Variants in SPG11 observed in about 807,000 individuals in gnomAD.
The protein encoded by SPG11 is spatacsin.
In SPG11, 222 loss-of-function variants were observed where a neutral mutation model predicts 274.0. The observed-to-expected ratio is 0.81, with a 90% CI of 0.73 to 0.91. The LOEUF (loss-of-function observed/expected upper bound fraction) is 0.91. SPG11 is among the 40% of genes least tolerant of loss of function. The pLI is 0.00. For synonymous variants in SPG11, 1,144 were observed against 1,039.7 expected, an observed-to-expected ratio of 1.10 and a Z score of -1.93; for missense variants, 3,114 against 2,872.7, an observed-to-expected ratio of 1.08 and a Z score of -1.92.
At chr15:44,638,435 T>C (rs2084342112) in intron 7 of SPG11, among the ~76,000 whole-genome samples, 1 of 151,028 alleles carries the variant, frequency 6.6e-6, no homozygotes, top group Non-Finnish European at 1.5e-5. Context: ...CACTCCAGCC[T>C]GGGCGACAGA....
chr15:44,621,682 C>T lies in SPG11; in HGVS notation c.2620+77G>A, dbSNP rs888525031. ...CGAAAGGAATTCTAAAATTGAGACA[C>T]ATCAAAATATTCAAATATCAATACC... On this transcript the variant is annotated intron_variant, in intron 14 of 39. Transcript: ENST00000261866. The T allele has an allele frequency of 3.7e-6, 5 of 1,360,994 alleles. No homozygotes were observed. In the East Asian group the frequency reaches 9.2e-5, roughly 25 times the overall value. 84.3% of individuals were successfully genotyped at this position (1,360,994 alleles called of 1,614,324 possible).
rs777780299 is a variant in SPG11 at position 44,663,479 on chromosome 15, G to A, written c.169C>T (p.Leu57=). The change falls in exon 1 of 40, where the codon CTG becomes TTG. Residue 57 remains leucine (L), a synonymous_variant. Transcript: ENST00000261866. ...LRTQPEALGS[L]TAAGSLQVLS... ...ACTTGGAGGCTGCCCGCAGCCGTCAGGCTCCCCAGAGCCTCCGGCTGTGTG... is the reference window on the plus strand; with the variant it reads ...ACTTGGAGGCTGCCCGCAGCCGTCAAGCTCCCCAGAGCCTCCGGCTGTGTG... 1 of 1,593,852 alleles carries A rather than the reference G, an allele frequency of 6.3e-7. No individual in the cohort carries two copies. Among genetic ancestry groups the A allele is most frequent in the Non-Finnish European group, 8.5e-7 (1 of 1,170,958 alleles).
intron 15 of SPG11, among the ~76,000 whole-genome samples, chr15:44,618,502 G>A (rs1203908943): frequency 1.7e-5 from 2 of 116,266 alleles, no homozygotes; most frequent in Non-Finnish European, 3.4e-5. Flanking sequence ...GGGCGACAGA[G>A]TGAGACTCCA....
chr15:44,621,903 G>A lies in SPG11; in HGVS notation c.2476C>T (p.His826Tyr). 2 of 1,612,712 alleles carry A rather than the reference G, an allele frequency of 1.2e-6. No homozygotes were observed. The highest frequency in any genetic ancestry group is 1.7e-6 in the Non-Finnish European group (2 of 1,179,644). The change falls in exon 14 of 40, where the codon CAC (histidine) becomes TAC (tyrosine). Residue 826 changes from histidine to tyrosine, a missense_variant. Transcript: ENST00000261866. ...YWIKEQDFFKHKSVLDSFLKY... is the reference protein window; with the variant it reads ...YWIKEQDFFKYKSVLDSFLKY... ...AGGAATGAGTCCAAAACAGACTTGTGCTTGAAAAAATCTTGTTCCTTTATC... is the reference window on the plus strand; with the variant it reads ...AGGAATGAGTCCAAAACAGACTTGTACTTGAAAAAATCTTGTTCCTTTATC...
At position 44,566,214 on chromosome 15, in the gene SPG11, T is replaced by C; in HGVS notation, c.6843+3A>G. 1.2e-6 allele frequency: 2 copies of C among 1,614,194 alleles called. No individual in the cohort carries two copies. The highest frequency in any genetic ancestry group is 1.7e-6 in the Non-Finnish European group (2 of 1,180,010). The stretch of plus-strand genomic sequence containing the variant: ...GCCAGTCTGAAAAAAGCCTTTGGGT[T>C]ACCTTGGCATAACTCTCTGCTGCAT... On this transcript the variant is annotated splice_donor_region_variant and intron_variant, in intron 37 of 39. Transcript: ENST00000261866.
At chr15:44,663,250 CTG>C in intron 1 of SPG11, 139 bp downstream of exon 1, 1 of 1,176,700 alleles carries the variant, frequency 8.5e-7, no homozygotes, top group South Asian at 1.4e-5. Flanking sequence ...ACGCTCGCCT[CTG>C]GGGCGTTTCC....
chr15:44,603,377 C>A (rs1595869548), intron 20 of SPG11, among the ~76,000 whole-genome samples: 1 of 152,194 alleles, frequency 6.6e-6, no homozygotes, highest in African/African-American at 2.4e-5. Flanking sequence ...CAGGCATGAG[C>A]CACTGCACCT....
Position 44,604,931 on chromosome 15 carries a change from C to CAAAAAAAAAA in SPG11, c.3520+1084_3520+1093dup, listed in dbSNP as rs908048525. On this transcript the variant is annotated intron_variant, in intron 20 of 39. Transcript: ENST00000261866. The stretch of plus-strand genomic sequence containing the variant: ...CCTGGGCGGAACAAGACTCCATCTC[C>CAAAAAAAAAA]AAAAAAAAAAAAAAAAAAAAAAAAA... Among the ~76,000 whole-genome samples the CAAAAAAAAAA allele has an allele frequency of 2.4e-3, 55 of 22,498 alleles. 5 individuals are homozygous for CAAAAAAAAAA. Among genetic ancestry groups the CAAAAAAAAAA allele is most frequent in the African/African-American group, 0.011 (55 of 5,134 alleles). 14.8% of individuals were successfully genotyped at this position (22,498 alleles called of 152,430 possible). A position where few individuals can be genotyped will look rare whatever the true frequency, so the allele number is the denominator to read the frequency against.
At chr15:44,659,407 C>G in intron 2 of SPG11, 104 bp from the exon 3 acceptor site, 1 of 1,012,664 alleles carries the variant, frequency 9.9e-7, no homozygotes, top group Non-Finnish European at 1.5e-6. Flanking sequence ...AAAAAAGGAA[C>G]TGGACTTAGT....
chr15:44,629,096 C>T (rs1234851072), intron 9 of SPG11, 137 bp downstream of exon 9: 2 of 1,036,964 alleles, frequency 1.9e-6, no homozygotes, highest in Non-Finnish European at 3.0e-6. Flanking sequence ...ATTTCACTTA[C>T]TCAACTACAC....
At chr15:44,658,862 T>TA (rs2085017337) in intron 3 of SPG11, among the ~76,000 whole-genome samples, 1 of 152,258 alleles carries the variant, frequency 6.6e-6, no homozygotes, top group Non-Finnish European at 1.5e-5. Flanking sequence ...TTAATACTAT[T>TA]AAAAATGTAT....
rs964985674 is a variant in SPG11, at chr15:44,621,879, G to T, written c.2500C>A (p.Leu834Met). Residue 834 changes from leucine (L) to methionine (M), a missense_variant, in exon 14 of 40, where the codon CTG becomes ATG. Leu to Met is a conservative substitution (Grantham distance 15). Coordinates refer to ENST00000261866, the MANE Select transcript of SPG11 (RefSeq NM_025137.4). ...AATTCATCTTTACAATCATATTTCA[G>T]GAATGAGTCCAAAACAGACTTGTGC... ...FKHKSVLDSF[L>M]KYDCKDEFNK... 1 of 1,613,280 alleles carries T rather than the reference G, an allele frequency of 6.2e-7. No homozygotes were observed. Among genetic ancestry groups the T allele is most frequent in the African/African-American group, 1.3e-5 (1 of 74,740 alleles).
intron 17 of SPG11, 101 bp downstream of exon 17, chr15:44,613,329 G>A (rs1402324648): frequency 1.4e-5 from 12 of 830,040 alleles, no homozygotes; most frequent in Non-Finnish European, 1.8e-5. Context: ...GCTGACCACA[G>A]CCAAATAATT....
chr15:44,653,034 A>G (rs199989337), intron 4 of SPG11, among the ~76,000 whole-genome samples: 8 of 152,200 alleles, frequency 5.3e-5, no homozygotes, highest in Non-Finnish European at 8.8e-5. Context: ...GTGGGAGAGT[A>G]TATGTGGAAA....
At chr15:44,611,968 G>A (rs1293816161) in intron 17 of SPG11, among the ~76,000 whole-genome samples, 2 of 151,936 alleles carry the variant, frequency 1.3e-5, no homozygotes, top group African/African-American at 4.8e-5. Flanking sequence ...ACCAAGCCGG[G>A]CTAATTTTTT....
At chr15:44,569,358 G>T in intron 35 of SPG11, 40 bp downstream of exon 35, 1 of 1,374,066 alleles carries the variant, frequency 7.3e-7, no homozygotes, top group Non-Finnish European at 1.0e-6. Context: ...TGAATTATCA[G>T]CAGTACACCC....
intron 7 of SPG11, among the ~76,000 whole-genome samples, chr15:44,644,801 T>A (rs2084559260): frequency 6.6e-6 from 1 of 152,034 alleles, no homozygotes; most frequent in South Asian, 2.1e-4. Context: ...GCTGGGAGCC[T>A]AATAAAGAAT....
At chr15:44,571,487 ATTTCT>A (rs762844051) in intron 33 of SPG11, among the ~76,000 whole-genome samples, 2 of 143,808 alleles carry the variant, frequency 1.4e-5, no homozygotes, top group East Asian at 2.0e-4. Context: ...TTTTATTTAA[ATTTCT>A]TTTCTTTTTT....
intron 7 of SPG11, among the ~76,000 whole-genome samples, chr15:44,641,831 T>C (rs2084452418): frequency 6.7e-6 from 1 of 149,466 alleles, no homozygotes; most frequent in Admixed American, 6.8e-5. Context: ...GCATGCCGTA[T>C]GATCAAGCAA....
Sources: gnomAD v4.1 joint callset for allele counts (sites outside exome capture counted in the v4.1 genomes callset) on GRCh38, gnomAD v4.1.1 for gene constraint, MANE v1.5 for transcripts, NCBI Gene and HGNC (gene_info 2026-07-23, HGNC 2026-07-21) for gene names.